CRY1: variants seen among roughly 807,000 people sequenced by gnomAD.
CRY1 encodes cryptochrome circadian regulator 1, also known as cryptochrome-1.
In CRY1, 45 loss-of-function variants were observed where a neutral mutation model predicts 76.0. The ratio of observed to expected loss-of-function variants is 0.59; its 90% CI spans 0.47 to 0.76. The LOEUF (loss-of-function observed/expected upper bound fraction) is 0.76, where lower values mean the gene tolerates loss of function less well. CRY1 is among the 30% of genes least tolerant of loss of function. CRY1 has a pLI of 0.00. For synonymous variants in CRY1, 248 were observed against 244.0 expected, an observed-to-expected ratio of 1.02 and a Z score of -0.15; for missense variants, 587 against 716.4, an observed-to-expected ratio of 0.82 and a Z score of 2.06.
At chr12:107,047,282 AT>A (rs1220066199) in intron 1 of CRY1, among the ~76,000 whole-genome samples, 1 of 152,248 alleles carries the variant, frequency 6.6e-6, no homozygotes, top group African/African-American at 2.4e-5. Context: ...CAGTGGATCA[AT>A]GAAGAAATTA....
At chr12:107,011,475 T>C (rs1385377919) in intron 2 of CRY1, among the ~76,000 whole-genome samples, 1 of 151,924 alleles carries the variant, frequency 6.6e-6, no homozygotes, top group Non-Finnish European at 1.5e-5. Context: ...AAAGTGCTAC[T>C]CCAATGAACA....
At chr12:107,001,171 A>G (rs1465328700) in intron 5 of CRY1, 109 bp downstream of exon 5, 3 of 768,224 alleles carry the variant, frequency 3.9e-6, no homozygotes, top group Non-Finnish European at 4.2e-6. Flanking sequence ...CATTTCTGTT[A>G]ATCCTCCCCT....
intron 1 of CRY1, among the ~76,000 whole-genome samples, chr12:107,029,847 T>C (rs549780960): frequency 9.9e-5 from 15 of 152,284 alleles, no homozygotes; most frequent in African/African-American, 1.9e-4. Context: ...GAATAAAACA[T>C]ATAAAATACA....
chr12:107,033,618 T>C (rs1162933369), intron 1 of CRY1, among the ~76,000 whole-genome samples: 1 of 152,062 alleles, frequency 6.6e-6, no homozygotes, highest in East Asian at 1.9e-4. Flanking sequence ...ACCTCATTCA[T>C]AGAATAAAGA....
chr12:107,041,607 C>T (rs776044732), intron 1 of CRY1, among the ~76,000 whole-genome samples: 3 of 152,060 alleles, frequency 2.0e-5, no homozygotes, highest in Non-Finnish European at 4.4e-5. Context: ...ACACTACAGG[C>T]CAAAAATCAT....
intron 10 of CRY1, among the ~76,000 whole-genome samples, chr12:106,994,514 C>G (rs1256192075): frequency 6.6e-6 from 1 of 152,144 alleles, no homozygotes; most frequent in African/African-American, 2.4e-5. Context: ...CTTTTGAAAG[C>G]CTCCAAGAAG....
chr12:107,012,371 GAAC>G (rs1952454194), intron 2 of CRY1, among the ~76,000 whole-genome samples: 1 of 152,144 alleles, frequency 6.6e-6, no homozygotes, highest in South Asian at 2.1e-4. Flanking sequence ...TGCAGAACAG[GAAC>G]AACAAAGCCT....
rs115380880 is a variant in CRY1, at chr12:107,003,450, C to T, written c.411-1502G>A. ...GAGAGTTAAGTAAACTAGTCAAGGT[C>T]ATATAACTGATAAACGGCAAATCAA... On this transcript the variant is annotated intron_variant, in intron 3 of 12. Coordinates refer to ENST00000008527, the MANE Select transcript of CRY1 (RefSeq NM_004075.5). Among the ~76,000 whole-genome samples the T allele has an allele frequency of 9.9e-3, 1,507 of 152,246 alleles. 26 individuals are homozygous for T. The highest frequency in any genetic ancestry group is 0.035 in the African/African-American group (1,444 of 41,544).
At chr12:107,029,691 C>T (rs907776395) in intron 1 of CRY1, among the ~76,000 whole-genome samples, 2 of 151,116 alleles carry the variant, frequency 1.3e-5, no homozygotes, top group African/African-American at 4.9e-5. Flanking sequence ...AGGAGTGATA[C>T]TGTTAATTAC....
At chr12:107,073,077 T>G (rs1239428880) in intron 1 of CRY1, 1 of 133,936 alleles carries the variant, frequency 7.5e-6, no homozygotes, top group East Asian at 2.5e-4. Context: ...AAGATTTATA[T>G]GTGTAAATAA....
At chr12:107,014,393 C>T (rs185638010) in intron 2 of CRY1, among the ~76,000 whole-genome samples, 234 of 152,234 alleles carry the variant, frequency 1.5e-3, no homozygotes, top group African/African-American at 5.2e-3. Context: ...TACTCATCTG[C>T]TAGCCCAGGG....
At chr12:106,997,873 A>G (rs1216700108) in intron 8 of CRY1, 42 bp downstream of exon 8, 1 of 1,594,500 alleles carries the variant, frequency 6.3e-7, no homozygotes, top group Non-Finnish European at 8.5e-7. Flanking sequence ...GCTCTTCTTG[A>G]ATTAACTATT....
chr12:107,021,946 A>G, intron 2 of CRY1, 138 bp downstream of exon 2: 1 of 618,634 alleles, frequency 1.6e-6, no homozygotes, highest in Non-Finnish European at 2.8e-6. Flanking sequence ...TTCATTAAAT[A>G]AAGAAAAAAA....
intron 1 of CRY1, among the ~76,000 whole-genome samples, chr12:107,060,728 C>A (rs186745030): frequency 6.6e-6 from 1 of 152,104 alleles, no homozygotes; most frequent in African/African-American, 2.4e-5. Flanking sequence ...TGGTGGCTCA[C>A]GCCTGTAATC....
chr12:107,080,842 G>A (rs982009520), intron 1 of CRY1, among the ~76,000 whole-genome samples: 3 of 151,900 alleles, frequency 2.0e-5, no homozygotes, highest in Admixed American at 6.6e-5. Context: ...TCAAGAAATT[G>A]GCTACAAAGA....
intron 1 of CRY1, among the ~76,000 whole-genome samples, chr12:107,058,497 A>G (rs973255240): frequency 1.3e-5 from 2 of 152,178 alleles, no homozygotes; most frequent in African/African-American, 4.8e-5. Flanking sequence ...AGTGGGGAAA[A>G]TTCCTTACAA....
In CRY1 at chr12:107,015,370, C is replaced by A. The variant is rs577661785; in HGVS notation, c.267+6714G>T. ...TTTTTTTTTTTTTGAGACAAGGTCT[C>A]ACTCTGTTGCCCAGGCTGGAGTGCA... On this transcript the variant is annotated intron_variant, in intron 2 of 12. Coordinates refer to ENST00000008527, the MANE Select transcript of CRY1 (RefSeq NM_004075.5). 2.0e-3 allele frequency among the ~76,000 whole-genome samples: 302 copies of A among 150,170 alleles called. 3 individuals carry two copies. The highest frequency in any genetic ancestry group is 7.1e-3 in the African/African-American group (288 of 40,724).
rs143583409 is a variant in CRY1 at position 107,036,642 on chromosome 12, G to A, written c.159-14450C>T. Among the ~76,000 whole-genome samples, 12 of 151,096 alleles carry A rather than the reference G, an allele frequency of 7.9e-5. No homozygotes were observed. The East Asian group carries it at 2.3e-3, about 29-fold the overall frequency. On this transcript the variant is annotated intron_variant, in intron 1 of 12. Coordinates refer to ENST00000008527, the MANE Select transcript of CRY1 (RefSeq NM_004075.5). ...TTTCTAGGTCCTACAGAACGAACCC[G>A]GGCAACCAATACCACTATGACTCCA...
At position 107,006,638 on chromosome 12, in the gene CRY1, C is replaced by CGTTTTTTTTTTTTTTTTTTT. The variant is rs71076707; in HGVS notation, c.268-1391_268-1390insAAAAAAAAAAAAAAAAAAAC. Among the ~76,000 whole-genome samples, 4 of 137,108 alleles carry CGTTTTTTTTTTTTTTTTTTT rather than the reference C, an allele frequency of 2.9e-5. 1 individual carries two copies. Among genetic ancestry groups the CGTTTTTTTTTTTTTTTTTTT allele is most frequent in the Non-Finnish European group, 1.5e-5 (1 of 65,238 alleles). The allele number at this position is 137,108 out of a possible 152,430, so 89.9% of individuals were successfully genotyped here. A position where few individuals can be genotyped will look rare whatever the true frequency, so the allele number is the denominator to read the frequency against. On this transcript the variant is annotated intron_variant, in intron 2 of 12. Transcript: ENST00000008527. ...CTTGCCAATAATATGTATTAGTAAT[C>CGTTTTTTTTTTTTTTTTTTT]TTTTTTTTTTTTTTTTTTAGATGAC...
Sources: gnomAD v4.1 joint callset for allele counts (sites outside exome capture counted in the v4.1 genomes callset) on GRCh38, gnomAD v4.1.1 for gene constraint, MANE v1.5 for transcripts, NCBI Gene and HGNC (gene_info 2026-07-23, HGNC 2026-07-21) for gene names.